The following KCNG2 variants were observed in gnomAD, a reference collection of about 807,000 sequenced individuals.
KCNG2 encodes potassium voltage-gated channel modifier subfamily G member 2.
KCNG2 carries 7 observed loss-of-function variants against 12.3 expected under a neutral mutation model. That is an observed-to-expected ratio of 0.57 (90% CI 0.32 to 1.07). The LOEUF (loss-of-function observed/expected upper bound fraction) is 1.07. KCNG2 is among the 50% of genes least tolerant of loss of function. The probability of loss-of-function intolerance (pLI) is 0.04; values close to 1 mark genes in which losing one functional copy is unlikely to be tolerated. For missense variants in KCNG2, 703 were observed against 726.0 expected (o/e 0.97, Z 0.36); for synonymous variants, 414 against 351.4 (o/e 1.18, Z -1.99).
At chr18:79,889,777 A>G (rs961733341) in intron 3 of KCNG2, among the ~76,000 whole-genome samples, 1 of 152,222 alleles carries the variant, frequency 6.6e-6, no homozygotes, top group Non-Finnish European at 1.5e-5. Flanking sequence ...TACAGAGTCC[A>G]CTGGAAGTGA....
At chr18:79,871,655 C>T (rs1979836362) in intron 3 of KCNG2, among the ~76,000 whole-genome samples, 1 of 152,214 alleles carries the variant, frequency 6.6e-6, no homozygotes, top group Non-Finnish European at 1.5e-5. Flanking sequence ...GAGGCTCCCA[C>T]ACCACCAGTC....
intron 1 of KCNG2, among the ~76,000 whole-genome samples, chr18:79,852,323 A>G (rs138438091): frequency 1.3e-5 from 2 of 152,358 alleles, no homozygotes; most frequent in Admixed American, 1.3e-4. Context: ...AGCGCAAACG[A>G]TGCCTGCTCT....
intron 3 of KCNG2, among the ~76,000 whole-genome samples, chr18:79,888,469 T>G (rs1169286082): frequency 1.9e-5 from 2 of 107,996 alleles, no homozygotes; most frequent in Non-Finnish European, 4.3e-5. Flanking sequence ...GAGGCCGCGG[T>G]GGGGCCGGGA....
intron 1 of KCNG2, among the ~76,000 whole-genome samples, chr18:79,829,595 C>T (rs1230815475): frequency 2.0e-5 from 3 of 152,122 alleles, no homozygotes; most frequent in African/African-American, 7.2e-5. Context: ...TCAGTCTCTG[C>T]CTCACACCGG....
At chr18:79,865,550 CTGAGGTCTGGGTGCTGAGAGGTCTGGGTA>C (rs1979465162) in intron 3 of KCNG2, among the ~76,000 whole-genome samples, 1 of 82,024 alleles carries the variant, frequency 1.2e-5, no homozygotes, top group African/African-American at 4.2e-5. Flanking sequence ...GGTCTGGGTG[CTGAGGTCTGGGTGCTGAGAGGTCTGGGTA>C]TGAGGTCTGG....
At chr18:79,802,257 T>C (rs542642454) in intron 1 of KCNG2, among the ~76,000 whole-genome samples, 3 of 152,318 alleles carry the variant, frequency 2.0e-5, no homozygotes, top group South Asian at 4.1e-4. Context: ...GGTTTAGAAA[T>C]GTTCAAAAAG....
intron 1 of KCNG2, among the ~76,000 whole-genome samples, chr18:79,835,917 T>C (rs1264577615): frequency 1.3e-5 from 2 of 152,042 alleles, no homozygotes; most frequent in African/African-American, 2.4e-5. Context: ...CAAAATAGAA[T>C]TGTCAAATAG....
chr18:79,799,437 G>A (rs2087390614), intron 1 of KCNG2, among the ~76,000 whole-genome samples: 1 of 152,208 alleles, frequency 6.6e-6, no homozygotes, highest in Non-Finnish European at 1.5e-5. Flanking sequence ...GGATGGGATT[G>A]CCGGGCTTTC....
chr18:79,819,520 G>T (rs1439347909), intron 1 of KCNG2, among the ~76,000 whole-genome samples: 3 of 152,216 alleles, frequency 2.0e-5, no homozygotes, highest in Non-Finnish European at 4.4e-5. Context: ...CTTCAGATCG[G>T]GCTGTGTTGG....
chr18:79,895,365 T>G (rs1980928394), intron 3 of KCNG2, among the ~76,000 whole-genome samples: 1 of 152,184 alleles, frequency 6.6e-6, no homozygotes, highest in Non-Finnish European at 1.5e-5. Flanking sequence ...GATTGGATTG[T>G]TCACTCCATT....
intron 1 of KCNG2, among the ~76,000 whole-genome samples, chr18:79,809,864 T>C (rs2122993470): frequency 6.6e-6 from 1 of 152,340 alleles, no homozygotes; most frequent in African/African-American, 2.4e-5. Context: ...CTGCGTCTCC[T>C]TCATTGTTGC....
chr18:79,847,392 G>A (rs1978661882), intron 1 of KCNG2, among the ~76,000 whole-genome samples: 2 of 152,202 alleles, frequency 1.3e-5, no homozygotes, highest in South Asian at 4.1e-4. Flanking sequence ...TCAAAACCTG[G>A]ACATTGCCAG....
At chr18:79,871,278 G>A (rs1038925620) in intron 3 of KCNG2, among the ~76,000 whole-genome samples, 3 of 152,252 alleles carry the variant, frequency 2.0e-5, no homozygotes, top group East Asian at 1.9e-4. Flanking sequence ...TGCGTCTGTC[G>A]CAGCCTGTCC....
intron 1 of KCNG2, among the ~76,000 whole-genome samples, chr18:79,831,977 G>A (rs572607090): frequency 8.5e-5 from 13 of 152,190 alleles, no homozygotes; most frequent in African/African-American, 1.2e-4. Context: ...AGGAGCAGCC[G>A]TCAGAGCAAA....
intron 3 of KCNG2, among the ~76,000 whole-genome samples, chr18:79,874,919 G>C (rs539455767): frequency 1.9e-4 from 29 of 152,268 alleles, no homozygotes; most frequent in African/African-American, 6.7e-4. Context: ...GGGGGTTCCT[G>C]GAGGGTGTCA....
Position 79,899,158 on chromosome 18 carries a change from G to A in KCNG2, c.743G>A (p.Arg248His), listed in dbSNP as rs746493732. Residue 248 changes from arginine (R) to histidine (H), a missense_variant, in exon 4 of 4, where the codon CGC (arginine) becomes CAC (histidine). Physicochemically the swap from Arg to His is conservative, Grantham distance 29. Coordinates refer to ENST00000316249, the MANE Select transcript of KCNG2 (RefSeq NM_012283.2). ...GCCGAGAGCAAGTGCGCCTTCCTGC[G>A]CGCGCCACTCAACATCATTGACATC... is the stretch of plus-strand genomic sequence containing the variant. ...LQAESKCAFL[R>H]APLNIIDILA... The A allele has an allele frequency of 6.2e-6, 10 of 1,606,752 alleles. No individual in the cohort carries two copies. The highest frequency in any genetic ancestry group is 3.3e-5 in the South Asian group (3 of 90,978).
At chr18:79,858,515 G>A (rs912269297) in intron 2 of KCNG2, among the ~76,000 whole-genome samples, 1 of 152,170 alleles carries the variant, frequency 6.6e-6, no homozygotes, top group Non-Finnish European at 1.5e-5. Context: ...TTCTAGTAAT[G>A]CCACTGTGAA....
intron 3 of KCNG2, among the ~76,000 whole-genome samples, chr18:79,868,750 T>C (rs1016030911): frequency 1.3e-5 from 2 of 152,090 alleles, no homozygotes; most frequent in Non-Finnish European, 2.9e-5. Context: ...AATAAATACA[T>C]GCTGAATCCC....
intron 1 of KCNG2, among the ~76,000 whole-genome samples, chr18:79,823,590 T>C (rs2087588562): frequency 6.6e-6 from 1 of 152,192 alleles, no homozygotes; most frequent in African/African-American, 2.4e-5. Context: ...GTGAGAGTCA[T>C]TTTTATCTTT....
Sources: allele counts gnomAD v4.1 joint callset (sites outside exome capture counted in the v4.1 genomes callset), GRCh38; gene constraint gnomAD v4.1.1; transcripts MANE v1.5; gene names NCBI Gene and HGNC (gene_info 2026-07-23, HGNC 2026-07-21).